The following XYLB variants were observed in gnomAD, a reference collection of about 807,000 sequenced individuals.
XYLB encodes the protein xylulokinase.
Under a neutral mutation model 78.7 loss-of-function variants are expected in XYLB, and 62 were observed. The observed-to-expected ratio is 0.79, with a 90% CI of 0.64 to 0.97. The LOEUF (loss-of-function observed/expected upper bound fraction) is 0.97. XYLB is among the 50% of genes least tolerant of loss of function. The pLI is 0.00. For missense variants in XYLB, 687 were observed against 676.8 expected, an observed-to-expected ratio of 1.02 and a Z score of -0.17; for synonymous variants, 245 against 247.4, an observed-to-expected ratio of 0.99 and a Z score of 0.09.
intron 18 of XYLB, among the ~76,000 whole-genome samples, chr3:38,406,331 C>T (rs1421265025): frequency 1.3e-5 from 2 of 152,236 alleles, no homozygotes; most frequent in Non-Finnish European, 2.9e-5. Flanking sequence ...AGGGTCCTGT[C>T]TGTTAGAAGG....
At chr3:38,358,309 TTGTGTGTG>T (rs780269094) in intron 2 of XYLB, among the ~76,000 whole-genome samples, 62 of 54,952 alleles carry the variant, frequency 1.1e-3, no homozygotes, top group African/African-American at 4.1e-3. Context: ...CAGTTTTGTT[TTGTGTGTG>T]TGTGTGTGTG....
At chr3:38,444,716 T>C in the XYLB span, among the ~76,000 whole-genome samples, 1 of 152,140 alleles carries the variant, frequency 6.6e-6, no homozygotes, top group Admixed American at 6.5e-5. Context: ...TAGGATGCAT[T>C]TCAAGGATGA....
chr3:38,360,186 C>T (rs818851), intron 2 of XYLB, among the ~76,000 whole-genome samples, 153 bp from the exon 3 acceptor site: 131,171 of 152,216 alleles, frequency 0.86, 57,430 homozygotes, highest in East Asian at 1. Context: ...TTGCAGCCCT[C>T]GTGCCTGTTC....
the XYLB span, among the ~76,000 whole-genome samples, chr3:38,439,141 G>T: frequency 3.3e-5 from 5 of 152,136 alleles, no homozygotes; most frequent in Non-Finnish European, 5.9e-5. Context: ...AGCTGCTGTT[G>T]GAAATTGGGC....
At chr3:38,356,884 A>G (rs945008659) in intron 2 of XYLB, 5 of 152,170 alleles carry the variant, frequency 3.3e-5, no homozygotes, top group Admixed American at 1.3e-4. Flanking sequence ...TCATGACAGT[A>G]TATTTGGAGG....
Position 38,400,878 on chromosome 3 carries a change from C to G in XYLB, c.1439-13C>G. 6.2e-7 allele frequency: 1 copy of G among 1,611,664 alleles called. No individual in the cohort carries two copies. Among genetic ancestry groups the G allele is most frequent in the South Asian group, 1.1e-5 (1 of 90,696 alleles). On this transcript the variant is annotated splice_polypyrimidine_tract_variant and intron_variant, in intron 17 of 18. Coordinates refer to ENST00000207870, the MANE Select transcript of XYLB (RefSeq NM_005108.4). Reference sequence around the variant, plus strand: ...GCAACATGCACTAATGTGAAGTGACCTTTCCCTTCTAGGTCTTGCAGGTGG... The same window carrying G: ...GCAACATGCACTAATGTGAAGTGACGTTTCCCTTCTAGGTCTTGCAGGTGG...
At chr3:38,411,477 A>T (rs982776075) in intron 18 of XYLB, among the ~76,000 whole-genome samples, 32 of 152,006 alleles carry the variant, frequency 2.1e-4, no homozygotes, top group African/African-American at 6.5e-4. Flanking sequence ...ACATGTATAC[A>T]TATGTAACTA....
the XYLB span, among the ~76,000 whole-genome samples, chr3:38,430,582 G>T: frequency 3.3e-5 from 5 of 152,096 alleles, no homozygotes; most frequent in African/African-American, 9.7e-5. Context: ...GTCTATTTTG[G>T]CTTTTGTTGC....
chr3:38,403,461 C>T (rs1025194213), intron 18 of XYLB, among the ~76,000 whole-genome samples: 1 of 152,130 alleles, frequency 6.6e-6, no homozygotes, highest in Non-Finnish European at 1.5e-5. Flanking sequence ...GGATGTGCTC[C>T]ACATGGTGAC....
At chr3:38,436,915 A>G in the XYLB span, among the ~76,000 whole-genome samples, 2 of 151,740 alleles carry the variant, frequency 1.3e-5, no homozygotes, top group Non-Finnish European at 2.9e-5. Flanking sequence ...GAGGCAGAAG[A>G]ATTGCATGAA....
At chr3:38,368,036 A>T in intron 7 of XYLB, 149 bp from the exon 8 acceptor site, 1 of 699,512 alleles carries the variant, frequency 1.4e-6, no homozygotes, top group Non-Finnish European at 2.6e-6. Flanking sequence ...CCTATCTGAG[A>T]TGCACAGTCT....
At chr3:38,437,018 A>AATAATAATG in the XYLB span, among the ~76,000 whole-genome samples, 1 of 142,886 alleles carries the variant, frequency 7.0e-6, no homozygotes, top group South Asian at 2.2e-4. Flanking sequence ...TAATAATAAT[A>AATAATAATG]ATAATAATAA....
chr3:38,434,251 G>GT, the XYLB span, among the ~76,000 whole-genome samples: 1 of 152,114 alleles, frequency 6.6e-6, no homozygotes, highest in Non-Finnish European at 1.5e-5. Context: ...ACCATATCAG[G>GT]TCTCTTTCAC....
At chr3:38,385,301 A>G (rs936612388) in intron 15 of XYLB, among the ~76,000 whole-genome samples, 2 of 152,004 alleles carry the variant, frequency 1.3e-5, no homozygotes, top group African/African-American at 4.8e-5. Flanking sequence ...ATCTCATTCT[A>G]TGCCCTATAC....
chr3:38,410,505 A>G (rs1708529759), intron 18 of XYLB, among the ~76,000 whole-genome samples: 1 of 152,168 alleles, frequency 6.6e-6, no homozygotes, highest in South Asian at 2.1e-4. Context: ...CACCAAAAGC[A>G]ATGGCAACAG....
the XYLB span, among the ~76,000 whole-genome samples, chr3:38,433,195 C>G: frequency 6.6e-6 from 1 of 152,250 alleles, no homozygotes; most frequent in African/African-American, 2.4e-5. Context: ...GAAGCCACAG[C>G]CCAAGCTGTA....
chr3:38,366,399 AG>A (rs778898345), intron 6 of XYLB, among the ~76,000 whole-genome samples: 37 of 152,206 alleles, frequency 2.4e-4, no homozygotes, highest in Admixed American at 7.2e-4. Flanking sequence ...GAGGCCCTCC[AG>A]GAAGGCCCAG....
At chr3:38,412,848 G>A in intron 18 of XYLB, 88 bp from the exon 19 acceptor site, 1 of 1,145,920 alleles carries the variant, frequency 8.7e-7, no homozygotes, top group Non-Finnish European at 1.2e-6. Flanking sequence ...CAAGTAAACG[G>A]GATTTAAAAA....
chr3:38,408,482 A>C (rs1021253631), intron 18 of XYLB, among the ~76,000 whole-genome samples: 4 of 151,030 alleles, frequency 2.6e-5, no homozygotes, highest in African/African-American at 9.7e-5. Flanking sequence ...GAACTAGAAA[A>C]GCAAGAGCAA....
Sources: gnomAD v4.1 joint callset for allele counts (sites outside exome capture counted in the v4.1 genomes callset) on GRCh38, gnomAD v4.1.1 for gene constraint, MANE v1.5 for transcripts, NCBI Gene and HGNC (gene_info 2026-07-23, HGNC 2026-07-21) for gene names.